Variants in LMF1 observed in about 807,000 individuals in gnomAD.
LMF1 encodes transmembrane protein 112.
In LMF1, 68 loss-of-function variants were observed where a neutral mutation model predicts 60.6. The observed-to-expected ratio is 1.12, with a 90% CI of 0.92 to 1.37. LMF1 has a LOEUF of 1.37. LMF1 is among the 40% of genes most tolerant of loss of function. The pLI is 0.00. For synonymous variants in LMF1, 418 were observed against 324.7 expected (o/e 1.29, Z -3.09); for missense variants, 948 against 767.2 (o/e 1.24, Z -2.78).
At chr16:943,129 TG>T (rs746874539) in intron 2 of LMF1, among the ~76,000 whole-genome samples, 18 of 152,180 alleles carry the variant, frequency 1.2e-4, no homozygotes, top group Non-Finnish European at 2.5e-4. Context: ...CCCAGCACTT[TG>T]GGAGGCCGAG....
intron 3 of LMF1, among the ~76,000 whole-genome samples, chr16:932,450 A>G (rs1053849324): frequency 1.3e-5 from 2 of 152,134 alleles, no homozygotes; most frequent in Admixed American, 6.5e-5. Context: ...CACGGACTCG[A>G]TTTTGCGATC....
At chr16:958,653 G>A (rs374552278) in intron 1 of LMF1, among the ~76,000 whole-genome samples, 4 of 152,292 alleles carry the variant, frequency 2.6e-5, no homozygotes, top group Non-Finnish European at 4.4e-5. Flanking sequence ...TTGGGAGGCC[G>A]AGGTGGGCAG....
At chr16:890,945 G>C (rs1435876497) in intron 5 of LMF1, among the ~76,000 whole-genome samples, 1 of 152,182 alleles carries the variant, frequency 6.6e-6, no homozygotes, top group Non-Finnish European at 1.5e-5. Context: ...GCTCCAGGCC[G>C]GGCCCACCCT....
intron 1 of LMF1, chr16:979,830 T>G: frequency 2.2e-6 from 1 of 448,028 alleles, no homozygotes; most frequent in South Asian, 1.6e-5. Flanking sequence ...TGCTTCCACT[T>G]AAACCCCCAC....
chr16:923,020 G>A (rs1253649700), intron 3 of LMF1, among the ~76,000 whole-genome samples: 1 of 126,476 alleles, frequency 7.9e-6, no homozygotes, highest in African/African-American at 3.2e-5. Flanking sequence ...TCGTGTTGTT[G>A]CGAAGGCCCT....
At chr16:976,727 G>C in intron 1 of LMF1, 2 of 454,156 alleles carry the variant, frequency 4.4e-6, no homozygotes. Flanking sequence ...GACGGACGCT[G>C]AGCAGCAGGA....
intron 5 of LMF1, among the ~76,000 whole-genome samples, chr16:891,125 C>T (rs766037749): frequency 1.3e-5 from 2 of 152,228 alleles, no homozygotes; most frequent in African/African-American, 2.4e-5. Flanking sequence ...CAGCTGGCCA[C>T]GTGGACACAG....
chr16:914,073 G>A (rs923337210), intron 3 of LMF1, among the ~76,000 whole-genome samples: 1 of 152,126 alleles, frequency 6.6e-6, no homozygotes, highest in Non-Finnish European at 1.5e-5. Context: ...AGGCCTGGGC[G>A]GCTGCAGCTA....
chr16:943,726 C>CA (rs3057499), intron 2 of LMF1, among the ~76,000 whole-genome samples: 18,038 of 56,114 alleles, frequency 0.32, 3,155 homozygotes, highest in South Asian at 0.47. Flanking sequence ...GACTCTGTCT[C>CA]AAAAAAAAAA....
rs764446665 is a variant in LMF1, at chr16:916,365, C to T, written c.515-5286G>A. On this transcript the variant is annotated intron_variant, in intron 3 of 10. Coordinates refer to ENST00000262301, the MANE Select transcript of LMF1 (RefSeq NM_022773.4). Reference sequence around the variant, plus strand: ...GACTGCCTGTCACTCAGCTCTGCGCCGGGCCGCCCTCTGCCACCCCAGGGG... The same window carrying T: ...GACTGCCTGTCACTCAGCTCTGCGCTGGGCCGCCCTCTGCCACCCCAGGGG... Among the ~76,000 whole-genome samples, 52 of 152,222 alleles carry T rather than the reference C, an allele frequency of 3.4e-4. 1 individual carries two copies. Among genetic ancestry groups the T allele is most frequent in the Non-Finnish European group, 2.8e-4 (19 of 68,034 alleles).
At chr16:879,184 C>T (rs1336578605) in intron 6 of LMF1, among the ~76,000 whole-genome samples, 1 of 152,138 alleles carries the variant, frequency 6.6e-6, no homozygotes, top group Non-Finnish European at 1.5e-5. Flanking sequence ...CGTGGACTGA[C>T]ATGAACACTT....
intron 1 of LMF1, among the ~76,000 whole-genome samples, chr16:977,912 CCA>C (rs2073199465): frequency 1.4e-5 from 2 of 144,458 alleles, no homozygotes; most frequent in South Asian, 2.2e-4. Context: ...AACACACACA[CCA>C]CACACATACC....
chr16:861,016 GTTT>G (rs3054320), intron 10 of LMF1, among the ~76,000 whole-genome samples: 16,316 of 146,864 alleles, frequency 0.11, 2,591 homozygotes, highest in African/African-American at 0.37. Flanking sequence ...ATCTTGCTGG[GTTT>G]TTTTTTTAAT....
intron 5 of LMF1, among the ~76,000 whole-genome samples, chr16:888,357 A>G (rs766404735): frequency 6.6e-6 from 1 of 152,070 alleles, no homozygotes; most frequent in African/African-American, 2.4e-5. Flanking sequence ...GTTATGTTCA[A>G]CTCCCCTAAA....
chr16:959,881 C>T (rs960924414), intron 1 of LMF1, among the ~76,000 whole-genome samples: 2 of 152,122 alleles, frequency 1.3e-5, no homozygotes, highest in Admixed American at 6.5e-5. Flanking sequence ...ACACCATGTT[C>T]CAGGACGGAA....
chr16:879,755 G>A lies in LMF1; in HGVS notation c.730-18C>T. On this transcript the variant is annotated intron_variant, in intron 5 of 10. Coordinates refer to ENST00000262301, the MANE Select transcript of LMF1 (RefSeq NM_022773.4). ...GGCTGGGTCTGCAGGGACAGGAGGG[G>A]CCGTGAGGTGCCTGGCCGATCTCGG... is the stretch of plus-strand genomic sequence containing the variant. The A allele has an allele frequency of 6.4e-7, 1 of 1,563,502 alleles. No homozygotes were observed.
At chr16:899,707 C>G in intron 4 of LMF1, 1 of 152,276 alleles carries the variant, frequency 6.6e-6, no homozygotes, top group South Asian at 2.1e-4. Context: ...ATGACCCACA[C>G]CTCCCATGGG....
intron 10 of LMF1, among the ~76,000 whole-genome samples, chr16:861,721 CATCTGTAAACA>C (rs2069472826): frequency 6.6e-6 from 1 of 152,196 alleles, no homozygotes; most frequent in African/African-American, 2.4e-5. Flanking sequence ...ACAACGGCGT[CATCTGTAAACA>C]GGCAGTTTCG....
intron 5 of LMF1, among the ~76,000 whole-genome samples, chr16:889,141 G>T (rs1221091990): frequency 1.3e-5 from 2 of 152,226 alleles, no homozygotes; most frequent in African/African-American, 2.4e-5. Flanking sequence ...AGTCCACAGA[G>T]ATCTGGGAAC....
Sources: gnomAD v4.1 joint callset for allele counts (sites outside exome capture counted in the v4.1 genomes callset) on GRCh38, gnomAD v4.1.1 for gene constraint, MANE v1.5 for transcripts, NCBI Gene and HGNC (gene_info 2026-07-23, HGNC 2026-07-21) for gene names.